The following SPATA22 variants were observed in gnomAD, a reference collection of about 807,000 sequenced individuals.
The protein encoded by SPATA22 is spermatogenesis-associated protein 22.
SPATA22 carries 29 observed loss-of-function variants against 47.8 expected under a neutral mutation model. The ratio of observed to expected loss-of-function variants is 0.61; its 90% CI spans 0.45 to 0.83. SPATA22 has a LOEUF of 0.83. Among genes scored for constraint, SPATA22 ranks in the 40% least tolerant of loss-of-function variants. SPATA22 has a pLI of 0.00. For synonymous variants in SPATA22, 133 were observed against 140.9 expected, an observed-to-expected ratio of 0.94 and a Z score of 0.40; for missense variants, 410 against 421.7, an observed-to-expected ratio of 0.97 and a Z score of 0.24.
upstream of SPATA22, chr17:3,476,496 T>C: frequency 9.2e-7 from 1 of 1,087,202 alleles, no homozygotes; most frequent in South Asian, 1.3e-5. Context: ...ATAATTCATG[T>C]CCGTACATGC....
chr17:3,508,970 G>A (rs1431338165), intron 1 of SPATA22, among the ~76,000 whole-genome samples: 2 of 148,486 alleles, frequency 1.3e-5, no homozygotes, highest in Non-Finnish European at 3.0e-5. Flanking sequence ...ATCACTCAAA[G>A]GAATGAAGAA....
chr17:3,470,093 C>CAAAAAAAAAAAA (rs57432043), intron 1 of SPATA22, among the ~76,000 whole-genome samples: 2 of 54,298 alleles, frequency 3.7e-5, no homozygotes, highest in African/African-American at 7.2e-5. Flanking sequence ...GACTCCATCT[C>CAAAAAAAAAAAA]AAAAAAAAAA....
upstream of SPATA22, chr17:3,471,827 TCGCAGGCGCCGTGGACCG>T (rs1196225225): frequency 2.0e-6 from 2 of 985,304 alleles, no homozygotes; most frequent in East Asian, 2.3e-4. Context: ...ATCAGGCTGT[TCGCAGGCGCCGTGGACCG>T]CGCAGGCGCA....
chr17:3,459,273 T>A (rs1467864075), intron 5 of SPATA22, among the ~76,000 whole-genome samples: 1 of 152,180 alleles, frequency 6.6e-6, no homozygotes, highest in Non-Finnish European at 1.5e-5. Flanking sequence ...AGATCTTAAG[T>A]GTTCTCACTA....
chr17:3,441,337 C>A (rs911861449), intron 8 of SPATA22: 4 of 151,530 alleles, frequency 2.6e-5, no homozygotes, highest in African/African-American at 9.7e-5. Context: ...AAGAAAAAGA[C>A]AAATAAGAGA....
At chr17:3,499,154 G>A in intron 1 of SPATA22, 1 of 1,540,538 alleles carries the variant, frequency 6.5e-7, no homozygotes, top group Non-Finnish European at 8.8e-7. Context: ...AGCTCCTTAA[G>A]AGTAGGGTTG....
intron 1 of SPATA22, among the ~76,000 whole-genome samples, chr17:3,487,039 T>G (rs1017478827): frequency 2.7e-5 from 4 of 149,246 alleles, no homozygotes; most frequent in African/African-American, 5.0e-5. Context: ...CTTTCCCATA[T>G]TTGTGTGTGT....
chr17:3,510,623 TA>T (rs764309619), intron 1 of SPATA22: 7 of 152,194 alleles, frequency 4.6e-5, no homozygotes, highest in African/African-American at 7.2e-5. Flanking sequence ...ACATACACAC[TA>T]AGAACAAGTA....
intron 1 of SPATA22, among the ~76,000 whole-genome samples, chr17:3,506,708 G>A (rs1181824816): frequency 1.3e-5 from 2 of 152,218 alleles, no homozygotes; most frequent in Non-Finnish European, 2.9e-5. Context: ...GGGAGGCCGA[G>A]GCAGGTGGAT....
intron 1 of SPATA22, among the ~76,000 whole-genome samples, chr17:3,486,435 C>T (rs1020843304): frequency 1.1e-4 from 17 of 152,150 alleles, no homozygotes; most frequent in Non-Finnish European, 7.3e-5. Context: ...TCCCTCTTAC[C>T]ACCTGCTTTG....
chr17:3,449,246 C>G, intron 5 of SPATA22, 97 bp from the exon 6 acceptor site: 2 of 887,136 alleles, frequency 2.3e-6, no homozygotes, highest in Non-Finnish European at 3.4e-6. Context: ...CAATTTATGA[C>G]TTAGAAAGCA....
intron 5 of SPATA22, among the ~76,000 whole-genome samples, chr17:3,460,776 T>C (rs1012548761): frequency 1.7e-5 from 2 of 115,388 alleles, no homozygotes; most frequent in Admixed American, 1.2e-4. Flanking sequence ...CTGGGCAACA[T>C]GGCAAGATCC....
rs2073771297 is a variant in SPATA22 at position 3,488,786 on chromosome 17, T to C, written c.-73-19388A>G. On this transcript the variant is annotated intron_variant, in intron 1 of 8. Coordinates refer to the SPATA22 transcript ENST00000541913. The surrounding 1 kb of genome is among the most constrained non-coding windows in gnomAD (Gnocchi z 6.1). ...ACTGAAATCCATGATTCATCTAGTC[T>C]GGATTTCTGTGAAATCTATAAAAAT... 6.6e-6 allele frequency among the ~76,000 whole-genome samples: 1 copy of C among 152,262 alleles called. No homozygotes were observed. The highest frequency in any genetic ancestry group is 1.5e-5 in the Non-Finnish European group (1 of 68,050).
At chr17:3,449,230 A>T in intron 5 of SPATA22, 81 bp from the exon 6 acceptor site, 1 of 1,061,118 alleles carries the variant, frequency 9.4e-7, no homozygotes, top group Non-Finnish European at 1.3e-6. Flanking sequence ...AAATTCATTT[A>T]TATGGCAATT....
At chr17:3,474,821 G>A (rs910975271), upstream of SPATA22, among the ~76,000 whole-genome samples, 1 of 152,164 alleles carries the variant, frequency 6.6e-6, no homozygotes, top group African/African-American at 2.4e-5. Context: ...GAACTGTGAA[G>A]AAGACCAAAA....
At chr17:3,496,990 C>T (rs773682854) in intron 1 of SPATA22, among the ~76,000 whole-genome samples, 28 of 152,148 alleles carry the variant, frequency 1.8e-4, no homozygotes, top group South Asian at 6.2e-4. Context: ...TGCTTGAACT[C>T]GGGAGGTGAA....
In SPATA22 at chr17:3,446,101, T is replaced by C. The variant is rs182609869; in HGVS notation, c.802+371A>G. Among the ~76,000 whole-genome samples the C allele has an allele frequency of 3.9e-3, 598 of 152,254 alleles. 3 individuals are homozygous for C. Among genetic ancestry groups the C allele is most frequent in the African/African-American group, 0.013 (557 of 41,568 alleles). ...CAGCAAGGTAGCATCTTTCAATGCT[T>C]TCCTTGTATAAGGGACCCTTGTGAT... On this transcript the variant is annotated intron_variant, in intron 7 of 8. Coordinates refer to ENST00000572969, the MANE Select transcript of SPATA22 (RefSeq NM_001170698.2).
At chr17:3,471,187 A>AAGGGAAGG (rs1384281815) in intron 1 of SPATA22, among the ~76,000 whole-genome samples, 2 of 151,822 alleles carry the variant, frequency 1.3e-5, no homozygotes, top group Non-Finnish European at 2.9e-5. Flanking sequence ...GGAGGGAGGG[A>AAGGGAAGG]AGGGAAGGAA....
chr17:3,485,684 A>G lies in SPATA22; in HGVS notation c.-73-16286T>C, dbSNP rs2073705884. Among the ~76,000 whole-genome samples, 3 of 152,160 alleles carry G rather than the reference A, an allele frequency of 2.0e-5. No homozygotes were observed. Among genetic ancestry groups the G allele is most frequent in the South Asian group, 4.1e-4 (2 of 4,830 alleles). ...CAGGTTGTTTTCTGACCCTCTCCTT[A>G]TCAAGACCTGTCAAAGATCTGAGAA... On this transcript the variant is annotated intron_variant, in intron 1 of 8. Coordinates refer to the SPATA22 transcript ENST00000541913. This position sits in a 1 kb window ranked among gnomAD's most constrained non-coding sequence, Gnocchi z 4.4.
Sources: gnomAD v4.1 joint callset for allele counts (sites outside exome capture counted in the v4.1 genomes callset) on GRCh38, gnomAD v4.1.1 for gene constraint, Gnocchi (gnomAD v3.1) non-coding constraint, MANE v1.5 for transcripts, NCBI Gene and HGNC (gene_info 2026-07-23, HGNC 2026-07-21) for gene names.